The following SYT13 variants were observed in gnomAD, a reference collection of about 807,000 sequenced individuals.
The protein encoded by SYT13 is synaptotagmin-13.
Under a neutral mutation model 38.6 loss-of-function variants are expected in SYT13, and 21 were observed. The ratio of observed to expected loss-of-function variants is 0.54; its 90% confidence interval spans 0.39 to 0.78. The LOEUF is 0.78. SYT13 is among the 30% of genes least tolerant of loss of function. SYT13 has a pLI of 0.00. For missense variants in SYT13, 495 were observed against 548.7 expected, an observed-to-expected ratio of 0.90 and a Z score of 0.98; for synonymous variants, 241 against 237.6, an observed-to-expected ratio of 1.01 and a Z score of -0.13.
chr11:45,270,300 CT>C (rs1005620580), intron 1 of SYT13, among the ~76,000 whole-genome samples: 2 of 152,156 alleles, frequency 1.3e-5, no homozygotes, highest in South Asian at 2.1e-4. Context: ...ATCCTTTAGA[CT>C]TTTTTTTCTT....
At chr11:45,266,085 A>G (rs112210422) in intron 1 of SYT13, among the ~76,000 whole-genome samples, 3,680 of 152,310 alleles carry the variant, frequency 0.024, 158 homozygotes, top group African/African-American at 0.085. Flanking sequence ...AGATACTTGT[A>G]CACACATGCA....
At chr11:45,284,999 G>A (rs966659910) in intron 1 of SYT13, among the ~76,000 whole-genome samples, 1 of 152,180 alleles carries the variant, frequency 6.6e-6, no homozygotes, top group Admixed American at 6.5e-5. Flanking sequence ...ATTGGAAAAA[G>A]GAAGATGGAG....
At chr11:45,263,166 C>A (rs1305220928) in intron 1 of SYT13, among the ~76,000 whole-genome samples, 2 of 152,210 alleles carry the variant, frequency 1.3e-5, no homozygotes, top group African/African-American at 4.8e-5. Flanking sequence ...GGGGTGGAAC[C>A]TGAACCTTCA....
chr11:45,254,214 C>G, intron 3 of SYT13, 56 bp downstream of exon 3: 3 of 1,549,198 alleles, frequency 1.9e-6, no homozygotes, highest in South Asian at 2.5e-5. Context: ...GCCTGCACAG[C>G]TTCTCCAGGG....
rs539039007 is a variant in SYT13 at position 45,264,116 on chromosome 11, G to T, written c.184-8225C>A. The stretch of plus-strand genomic sequence containing the variant: ...CATTTGTGATAAATATAGACATTGA[G>T]TGTGAGCATTACAACAAAACTAAAC... On this transcript the variant is annotated intron_variant, in intron 1 of 5. Coordinates refer to ENST00000020926, the MANE Select transcript of SYT13 (RefSeq NM_020826.3). Among the ~76,000 whole-genome samples the T allele has an allele frequency of 2.6e-5, 4 of 152,324 alleles. No individual in the cohort carries two copies. The South Asian group carries it at 8.3e-4, about 32-fold the overall frequency.
intron 1 of SYT13, chr11:45,269,620 T>C: frequency 2.2e-6 from 1 of 453,578 alleles, no homozygotes; most frequent in Non-Finnish European, 3.6e-6. Flanking sequence ...AAAAATAACC[T>C]AATTATTTTT....
chr11:45,280,714 G>A (rs1349872748), intron 1 of SYT13, among the ~76,000 whole-genome samples: 1 of 152,138 alleles, frequency 6.6e-6, no homozygotes, highest in Non-Finnish European at 1.5e-5. Context: ...TGTGTCAGTG[G>A]AGCCCTAACA....
intron 1 of SYT13, among the ~76,000 whole-genome samples, chr11:45,278,948 C>T (rs1855040900): frequency 6.6e-6 from 1 of 152,176 alleles, no homozygotes; most frequent in Admixed American, 6.5e-5. Context: ...CTGTGGAGGG[C>T]CCTGGGCTGC....
Position 45,286,270 on chromosome 11 carries a change from C to T in SYT13, c.-63G>A. 6.9e-7 allele frequency: 1 copy of T among 1,453,030 alleles called. No individual in the cohort carries two copies. The highest frequency in any genetic ancestry group is 9.0e-7 in the Non-Finnish European group (1 of 1,106,346). The allele number at this position is 1,453,030 out of a possible 1,614,324, so 90.0% of individuals were successfully genotyped here. ...GCTCACCTTCCCCGGGCCGGGCCCGCCTCCAGGCAGCTCCCGGGATCCGGG... is the reference window on the plus strand; with the variant it reads ...GCTCACCTTCCCCGGGCCGGGCCCGTCTCCAGGCAGCTCCCGGGATCCGGG... On this transcript the variant is annotated 5_prime_UTR_variant, in exon 1 of 6. Coordinates refer to ENST00000020926, the MANE Select transcript of SYT13 (RefSeq NM_020826.3).
chr11:45,273,220 C>T (rs76081886), intron 1 of SYT13, among the ~76,000 whole-genome samples: 2,502 of 152,268 alleles, frequency 0.016, 34 homozygotes, highest in East Asian at 0.073. Context: ...GGGCAAGAAG[C>T]AGGAGAGGTC....
chr11:45,255,877 C>A lies in SYT13; in HGVS notation c.198G>T (p.Lys66Asn), dbSNP rs1021530590. Residue 66 changes from lysine to asparagine, a missense_variant, in exon 2 of 6, where the codon AAG becomes AAT. Coordinates refer to ENST00000020926, the MANE Select transcript of SYT13 (RefSeq NM_020826.3). Reference protein sequence around the residue: ...LGSAQQFNVKKSTEPVQPRAL... With the variant: ...LGSAQQFNVKNSTEPVQPRAL... ...CACGGGGCTGAACAGGTTCCGTGGA[C>A]TTTTTAACATTGAACTGCAAACACA... 7 of 1,614,142 alleles carry A rather than the reference C, an allele frequency of 4.3e-6. No individual in the cohort carries two copies. The highest frequency in any genetic ancestry group is 8.5e-7 in the Non-Finnish European group (1 of 1,180,030).
chr11:45,280,007 T>C (rs1054849135), intron 1 of SYT13, among the ~76,000 whole-genome samples: 5 of 152,216 alleles, frequency 3.3e-5, no homozygotes, highest in African/African-American at 1.2e-4. Flanking sequence ...TCCCTGATCA[T>C]GGCAATTGCT....
chr11:45,271,718 G>C (rs1854951501), intron 1 of SYT13, among the ~76,000 whole-genome samples: 1 of 152,218 alleles, frequency 6.6e-6, no homozygotes, highest in Non-Finnish European at 1.5e-5. Flanking sequence ...GACGGATGTG[G>C]AGGAAACTAG....
chr11:45,284,273 C>G (rs1855108774), intron 1 of SYT13, among the ~76,000 whole-genome samples: 1 of 152,170 alleles, frequency 6.6e-6, no homozygotes, highest in Non-Finnish European at 1.5e-5. Context: ...CAGACAAGCT[C>G]AGCTAGAGTC....
In SYT13 at chr11:45,286,065, A is replaced by G. The variant is rs140502652; in HGVS notation, c.143T>C (p.Leu48Pro). 1.2e-6 allele frequency: 2 copies of G among 1,609,644 alleles called. No homozygotes were observed. The highest frequency in any genetic ancestry group is 1.7e-5 in the Admixed American group (1 of 59,832). The change falls in exon 1 of 6, where the codon CTG (leucine) becomes CCG (proline). Residue 48 changes from leucine (L) to proline (P), a missense_variant. Transcript: ENST00000020926. The part of the protein sequence containing the change: ...GLLPRDQDPD[L>P]EKAKPSLLGS... ...GAGCAAGCTGGGCTTCGCCTTCTCC[A>G]GGTCGGGGTCCTGGTCCCGCGGCAG...
intron 1 of SYT13, among the ~76,000 whole-genome samples, chr11:45,283,321 C>T (rs988988857): frequency 1.3e-5 from 2 of 152,144 alleles, no homozygotes; most frequent in Non-Finnish European, 2.9e-5. Context: ...GGCTATTAGG[C>T]CTTGGACACC....
intron 1 of SYT13, among the ~76,000 whole-genome samples, chr11:45,276,985 G>C (rs1396391482): frequency 1.3e-5 from 2 of 152,174 alleles, no homozygotes; most frequent in East Asian, 3.9e-4. Flanking sequence ...TGGCCAAAAG[G>C]TAGAACCAAT....
intron 1 of SYT13, among the ~76,000 whole-genome samples, chr11:45,284,320 A>C (rs1855109100): frequency 6.6e-6 from 1 of 152,156 alleles, no homozygotes; most frequent in Non-Finnish European, 1.5e-5. Context: ...AGCTCTAGGC[A>C]AGTCAGTTAC....
chr11:45,280,576 C>T (rs1855059936), intron 1 of SYT13, among the ~76,000 whole-genome samples: 1 of 152,128 alleles, frequency 6.6e-6, no homozygotes, highest in Non-Finnish European at 1.5e-5. Flanking sequence ...AAAGTAAACA[C>T]ACCTCTGTAA....
Sources: allele counts gnomAD v4.1 joint callset (sites outside exome capture counted in the v4.1 genomes callset), GRCh38; gene constraint gnomAD v4.1.1; transcripts MANE v1.5; gene names NCBI Gene and HGNC (gene_info 2026-07-23, HGNC 2026-07-21).